The following NDUFA9 variants were observed in gnomAD, a reference collection of about 807,000 sequenced individuals.
NDUFA9 encodes the protein NADH dehydrogenase [ubiquinone] 1 alpha subcomplex subunit 9, mitochondrial.
In NDUFA9, 23 loss-of-function variants were observed where a neutral mutation model predicts 45.9. The observed-to-expected ratio is 0.50, with a 90% CI of 0.36 to 0.71. NDUFA9 has a LOEUF of 0.71. Ranked by LOEUF, NDUFA9 falls within the 30% of genes least tolerant of loss-of-function variation. The pLI is 0.00. For missense variants in NDUFA9, 466 were observed against 488.2 expected (o/e 0.95, Z 0.43); for synonymous variants, 176 against 170.5 (o/e 1.03, Z -0.25).
intron 1 of NDUFA9, among the ~76,000 whole-genome samples, chr12:4,652,541 C>T (rs12308883): frequency 0.26 from 39,663 of 152,040 alleles, 5,316 homozygotes; most frequent in Middle Eastern, 0.41. Context: ...CCTCTTCCTA[C>T]TTCACTTTCA....
intron 8 of NDUFA9, among the ~76,000 whole-genome samples, chr12:4,677,680 C>G (rs1043360835): frequency 6.6e-6 from 1 of 152,150 alleles, no homozygotes; most frequent in Admixed American, 6.5e-5. Context: ...AATAGTGACG[C>G]TTTTCCACTG....
chr12:4,650,289 G>A (rs887685681), intron 1 of NDUFA9, among the ~76,000 whole-genome samples: 3 of 152,110 alleles, frequency 2.0e-5, no homozygotes, highest in Admixed American at 6.5e-5. Context: ...ATACCACTGG[G>A]AAGGTGGTGG....
chr12:4,687,787 T>G lies in NDUFA9; in HGVS notation c.*679T>G, dbSNP rs4147696. ...CAGCAGTGCCAGCACTTAGGAATTA[T>G]GACCTTCTAATGAAGTTCTTAAAAT... is the stretch of plus-strand genomic sequence containing the variant. On this transcript the variant is annotated 3_prime_UTR_variant, in exon 11 of 11. Coordinates refer to ENST00000266544, the MANE Select transcript of NDUFA9 (RefSeq NM_005002.5). The G allele has an allele frequency of 0.59, 89,781 of 152,120 alleles. 27,275 individuals carry two copies. The highest frequency in any genetic ancestry group is 0.67 in the Non-Finnish European group (45,521 of 68,024). 9.4% of individuals were successfully genotyped at this position (152,120 alleles called of 1,614,324 possible).
intron 8 of NDUFA9, among the ~76,000 whole-genome samples, chr12:4,675,156 C>T (rs938261338): frequency 6.6e-6 from 1 of 152,186 alleles, no homozygotes. Flanking sequence ...CTCTGGAGCA[C>T]ATTTAAAACA....
chr12:4,679,688 TAGGAAGTGGAGGCA>T (rs1945941260), intron 8 of NDUFA9, among the ~76,000 whole-genome samples: 2 of 152,130 alleles, frequency 1.3e-5, no homozygotes, highest in Middle Eastern at 6.8e-3. Context: ...AATGGCAGGA[TAGGAAGTGGAGGCA>T]ACAGTTAGGT....
At chr12:4,665,748 T>TG (rs1945849447) in intron 6 of NDUFA9, among the ~76,000 whole-genome samples, 1 of 68,308 alleles carries the variant, frequency 1.5e-5, no homozygotes, top group South Asian at 3.8e-4. Flanking sequence ...TATTTTCTGT[T>TG]TTTTTTTTTT....
In NDUFA9 at chr12:4,687,968, G is replaced by C. The variant is rs935573584; in HGVS notation, c.*860G>C. ...GTGTTTCACTGGACTTCAGCCTCCTGATCTATATTTGGGACAGGGATGTCA... is the reference window on the plus strand; with the variant it reads ...GTGTTTCACTGGACTTCAGCCTCCTCATCTATATTTGGGACAGGGATGTCA... On this transcript the variant is annotated 3_prime_UTR_variant, in exon 11 of 11. Coordinates refer to ENST00000266544, the MANE Select transcript of NDUFA9 (RefSeq NM_005002.5). 6.6e-5 allele frequency: 10 copies of C among 152,382 alleles called. No homozygotes were observed. Among genetic ancestry groups the C allele is most frequent in the South Asian group, 2.1e-4 (1 of 4,830 alleles). The allele number at this position is 152,382 out of a possible 1,614,324, so 9.4% of individuals were successfully genotyped here.
chr12:4,670,696 C>T (rs1478308631), intron 8 of NDUFA9, among the ~76,000 whole-genome samples: 2 of 152,120 alleles, frequency 1.3e-5, no homozygotes, highest in Non-Finnish European at 2.9e-5. Flanking sequence ...TTTTCCATGT[C>T]AACTAGCAGC....
At chr12:4,679,015 T>C (rs1182202220) in intron 8 of NDUFA9, among the ~76,000 whole-genome samples, 3 of 152,166 alleles carry the variant, frequency 2.0e-5, no homozygotes, top group African/African-American at 7.2e-5. Context: ...ATTGGAAACA[T>C]CCCACATATT....
chr12:4,654,848 A>G lies in NDUFA9; in HGVS notation c.244A>G (p.Ile82Val). The G allele has an allele frequency of 1.2e-6, 2 of 1,613,678 alleles. No homozygotes were observed. Among genetic ancestry groups the G allele is most frequent in the Non-Finnish European group, 1.7e-6 (2 of 1,179,840 alleles). Residue 82 changes from isoleucine to valine, a missense_variant, in exon 3 of 11, where the codon ATA becomes GTA. By Grantham distance (29) the Ile-to-Val change is conservative. Coordinates refer to ENST00000266544, the MANE Select transcript of NDUFA9 (RefSeq NM_005002.5). ...AGGACGCATGGGGTCACAGGTAATC[A>G]TACCCTATCGGTGTGATAAATATGA... ...HLGRMGSQVIIPYRCDKYDIM... is the reference protein window; with the variant it reads ...HLGRMGSQVIVPYRCDKYDIM...
At chr12:4,654,573 G>T in intron 2 of NDUFA9, 111 bp downstream of exon 2, 1 of 1,245,662 alleles carries the variant, frequency 8.0e-7, no homozygotes, top group Non-Finnish European at 1.1e-6. Context: ...AATTACTCCT[G>T]TCTTGGATGT....
chr12:4,687,120 C>G lies in NDUFA9; in HGVS notation c.*12C>G. The G allele has an allele frequency of 1.9e-6, 3 of 1,613,620 alleles. No homozygotes were observed. The South Asian group carries it at 3.3e-5, about 18-fold the overall frequency. On this transcript the variant is annotated 3_prime_UTR_variant, in exon 11 of 11. Coordinates refer to ENST00000266544, the MANE Select transcript of NDUFA9 (RefSeq NM_005002.5). ...CCGTCAACATTTAGTGCCTCCTGAGCAGCTCTTGGTTTTGGCGTCTTTTGG... is the reference window on the plus strand; with the variant it reads ...CCGTCAACATTTAGTGCCTCCTGAGGAGCTCTTGGTTTTGGCGTCTTTTGG...
At chr12:4,654,718 A>G in intron 2 of NDUFA9, 107 bp from the exon 3 acceptor site, 1 of 1,008,520 alleles carries the variant, frequency 9.9e-7, no homozygotes, top group South Asian at 1.7e-5. Flanking sequence ...CAAATATAAT[A>G]TCAATTCACA....
intron 6 of NDUFA9, among the ~76,000 whole-genome samples, 198 bp from the exon 7 acceptor site, chr12:4,668,259 C>T (rs1375203034): frequency 1.3e-5 from 2 of 152,186 alleles, no homozygotes; most frequent in Non-Finnish European, 2.9e-5. Context: ...TGGTTTTAAA[C>T]ATTTGGCCTT....
rs58897427 is a variant in NDUFA9 at position 4,659,820 on chromosome 12, G to A, written c.552+643G>A. 6.5e-3 allele frequency among the ~76,000 whole-genome samples: 988 copies of A among 152,316 alleles called. 15 individuals carry two copies. Among genetic ancestry groups the A allele is most frequent in the African/African-American group, 0.022 (912 of 41,560 alleles). On this transcript the variant is annotated intron_variant, in intron 5 of 10. Transcript: ENST00000266544. Reference sequence around the variant, plus strand: ...ATGGAAGCCTGTTTGGAGTCATACTGATAAGGACAAGAGAGTTCCTTGATA... The same window carrying A: ...ATGGAAGCCTGTTTGGAGTCATACTAATAAGGACAAGAGAGTTCCTTGATA...
At chr12:4,651,883 C>T (rs934472505) in intron 1 of NDUFA9, among the ~76,000 whole-genome samples, 6 of 152,132 alleles carry the variant, frequency 3.9e-5, no homozygotes, top group Non-Finnish European at 8.8e-5. Flanking sequence ...CAATGGAGAA[C>T]GGGGCTAGGG....
At chr12:4,668,326 C>A in intron 6 of NDUFA9, 131 bp from the exon 7 acceptor site, 1 of 721,106 alleles carries the variant, frequency 1.4e-6, no homozygotes, top group Non-Finnish European at 2.3e-6. Context: ...TAAGTGCATT[C>A]ACTTCCTCAG....
In NDUFA9 at chr12:4,668,466, G is replaced by A. The variant is rs375511497; in HGVS notation, c.665G>A (p.Arg222Gln). Residue 222 changes from arginine (R) to glutamine (Q), a missense_variant, in exon 7 of 11, where the codon CGG (arginine) becomes CAG (glutamine). Transcript: ENST00000266544. ...TTCTTTCTTCCGCTAGGTATGCATC[G>A]GTTTGGTCCTATACCCCTTGGTTCC... ...RFLNSFASMH[R>Q]FGPIPLGSLG... The A allele has an allele frequency of 2.6e-4, 426 of 1,613,096 alleles. No individual in the cohort carries two copies. Among genetic ancestry groups the A allele is most frequent in the Admixed American group, 3.3e-4 (20 of 59,990 alleles).
chr12:4,689,283 ATTTCT>A lies in NDUFA9; in HGVS notation c.*2179_*2183del. The A allele has an allele frequency of 6.6e-6, 1 of 151,332 alleles. No individual in the cohort carries two copies. Among genetic ancestry groups the A allele is most frequent in the Non-Finnish European group, 1.5e-5 (1 of 68,072 alleles). 9.4% of individuals were successfully genotyped at this position (151,332 alleles called of 1,614,324 possible). A position where few individuals can be genotyped will look rare whatever the true frequency, so the allele number is the denominator to read the frequency against. ...CTTGTATCATCTCAGGATGCTGTAT[ATTTCT>A]TTTATTTTTTATTTTTTATTTTTTT... is the stretch of plus-strand genomic sequence containing the variant. On this transcript the variant is annotated 3_prime_UTR_variant, in exon 11 of 11. Transcript: ENST00000266544.
Sources: allele counts gnomAD v4.1 joint callset (sites outside exome capture counted in the v4.1 genomes callset), GRCh38; gene constraint gnomAD v4.1.1; transcripts MANE v1.5; gene names NCBI Gene and HGNC (gene_info 2026-07-23, HGNC 2026-07-21).